MAP1B: variants seen among roughly 807,000 people sequenced by gnomAD.
MAP1B encodes the protein microtubule-associated protein 1B.
A neutral mutation model predicts 176.1 loss-of-function variants in MAP1B; 12 were observed. The ratio of observed to expected loss-of-function variants is 0.07; its 90% CI spans 0.04 to 0.11. The LOEUF is 0.11. Ranked by LOEUF, MAP1B falls within the 10% of genes least tolerant of loss-of-function variation. MAP1B has a pLI of 1.00. For missense variants in MAP1B, 2,523 were observed against 2,990.5 expected (o/e 0.84, Z 3.65); for synonymous variants, 1,044 against 1,135.0 (o/e 0.92, Z 1.61).
At chr5:72,111,454 C>G (rs779787096) in intron 1 of MAP1B, among the ~76,000 whole-genome samples, 1 of 152,152 alleles carries the variant, frequency 6.6e-6, no homozygotes. Context: ...TTGTTACATT[C>G]TGATGTCACT....
At chr5:72,123,106 G>A (rs754625866) in intron 2 of MAP1B, among the ~76,000 whole-genome samples, 1 of 152,136 alleles carries the variant, frequency 6.6e-6, no homozygotes, top group Non-Finnish European at 1.5e-5. Flanking sequence ...GAAGAATAAA[G>A]CATAAACTAA....
chr5:72,147,496 A>C (rs538436036), intron 2 of MAP1B, among the ~76,000 whole-genome samples: 1 of 151,996 alleles, frequency 6.6e-6, no homozygotes, highest in Admixed American at 6.6e-5. Flanking sequence ...CTCTACCCTT[A>C]TGGGGTAGTG....
At chr5:72,187,331 A>T (rs1746929879) in intron 4 of MAP1B, among the ~76,000 whole-genome samples, 1 of 152,250 alleles carries the variant, frequency 6.6e-6, no homozygotes, top group Admixed American at 6.5e-5. Context: ...TGCGTATCTT[A>T]TTCAAAGATG....
intron 2 of MAP1B, among the ~76,000 whole-genome samples, chr5:72,148,332 A>C (rs1451526638): frequency 6.6e-6 from 1 of 152,152 alleles, no homozygotes; most frequent in East Asian, 1.9e-4. Flanking sequence ...CCCTCTGTTC[A>C]TGGAGACCAG....
At chr5:72,178,037 C>T (rs1746686544) in intron 2 of MAP1B, among the ~76,000 whole-genome samples, 1 of 152,070 alleles carries the variant, frequency 6.6e-6, no homozygotes, top group Non-Finnish European at 1.5e-5. Flanking sequence ...GAGTCTCACT[C>T]TGTTGCCCAG....
chr5:72,111,378 G>C (rs993581671), intron 1 of MAP1B, among the ~76,000 whole-genome samples: 1 of 152,120 alleles, frequency 6.6e-6, no homozygotes, highest in Non-Finnish European at 1.5e-5. Context: ...AGATTTGTTG[G>C]TGAAAAGATA....
intron 2 of MAP1B, among the ~76,000 whole-genome samples, chr5:72,152,868 G>C (rs1031296726): frequency 1.3e-5 from 2 of 152,132 alleles, no homozygotes; most frequent in African/African-American, 4.8e-5. Context: ...CTGCAGCGTG[G>C]GCCCCAGGCT....
At chr5:72,150,853 C>G (rs1746127821) in intron 2 of MAP1B, among the ~76,000 whole-genome samples, 1 of 152,108 alleles carries the variant, frequency 6.6e-6, no homozygotes, top group Non-Finnish European at 1.5e-5. Flanking sequence ...TATGAAGCAG[C>G]CATAATTTTC....
chr5:72,161,097 C>T, intron 2 of MAP1B, among the ~76,000 whole-genome samples: 1 of 152,182 alleles, frequency 6.6e-6, no homozygotes, highest in East Asian at 1.9e-4. Context: ...AGATCCCAGG[C>T]CAGGGGACTG....
At chr5:72,133,526 T>C (rs1745776092) in intron 2 of MAP1B, among the ~76,000 whole-genome samples, 1 of 152,192 alleles carries the variant, frequency 6.6e-6, no homozygotes, top group African/African-American at 2.4e-5. Flanking sequence ...GGAGCTACAG[T>C]GGCCAAGTTC....
intron 2 of MAP1B, among the ~76,000 whole-genome samples, chr5:72,176,783 C>A (rs1219033187): frequency 1.3e-5 from 2 of 152,354 alleles, no homozygotes; most frequent in East Asian, 1.9e-4. Context: ...GCTTTTGCCA[C>A]CTTTTTGTTC....
chr5:72,123,754 G>C (rs1242080712), intron 2 of MAP1B, among the ~76,000 whole-genome samples: 2 of 152,130 alleles, frequency 1.3e-5, no homozygotes, highest in African/African-American at 4.8e-5. Flanking sequence ...AAAGTGCTGG[G>C]ATTACAGGCG....
In MAP1B at chr5:72,193,798, G is replaced by T. The variant is rs954743581; in HGVS notation, c.511-68G>T. 3.7e-5 allele frequency: 55 copies of T among 1,467,086 alleles called. No homozygotes were observed. The Admixed American group carries it at 9.1e-4, about 24-fold the overall frequency. The allele number at this position is 1,467,086 out of a possible 1,614,324, so 90.9% of individuals were successfully genotyped here. ...ATCCTGTAACACATAGTTATAGCTG[G>T]AGATGATGGATCAGTGATGATAATC... is the stretch of plus-strand genomic sequence containing the variant. On this transcript the variant is annotated intron_variant, in intron 4 of 6. Coordinates refer to ENST00000296755, the MANE Select transcript of MAP1B (RefSeq NM_005909.5).
chr5:72,193,105 T>C (rs1451739874), intron 4 of MAP1B, among the ~76,000 whole-genome samples: 2 of 152,232 alleles, frequency 1.3e-5, no homozygotes, highest in African/African-American at 4.8e-5. Flanking sequence ...ATGTCATGGC[T>C]TTAATAAAAA....
intron 2 of MAP1B, among the ~76,000 whole-genome samples, chr5:72,136,557 C>T (rs1462540095): frequency 2.6e-5 from 4 of 152,144 alleles, no homozygotes; most frequent in Non-Finnish European, 5.9e-5. Context: ...CCCAAGACCT[C>T]ATAATCTAGA....
At chr5:72,177,191 G>A (rs757134807) in intron 2 of MAP1B, among the ~76,000 whole-genome samples, 4 of 152,166 alleles carry the variant, frequency 2.6e-5, no homozygotes, top group African/African-American at 4.8e-5. Context: ...CAGGGGAGCC[G>A]AGGAAGTCTT....
chr5:72,142,995 A>G (rs1032910988), intron 2 of MAP1B, among the ~76,000 whole-genome samples: 2 of 152,200 alleles, frequency 1.3e-5, no homozygotes, highest in East Asian at 1.9e-4. Flanking sequence ...TGTGAAATCC[A>G]TAGTGAAAAG....
intron 2 of MAP1B, chr5:72,116,291 T>A: frequency 3.2e-6 from 1 of 308,546 alleles, no homozygotes; most frequent in East Asian, 1.0e-4. Flanking sequence ...ATATACTGCA[T>A]TTCAAAATGA....
At chr5:72,179,847 G>C (rs1247766938) in intron 2 of MAP1B, 6 of 985,402 alleles carry the variant, frequency 6.1e-6, no homozygotes, top group Non-Finnish European at 7.2e-6. Context: ...GGACAAAAGA[G>C]AACATCGTTA....
Sources: allele counts gnomAD v4.1 joint callset (sites outside exome capture counted in the v4.1 genomes callset), GRCh38; gene constraint gnomAD v4.1.1; transcripts MANE v1.5; gene names NCBI Gene and HGNC (gene_info 2026-07-23, HGNC 2026-07-21).